Variants in MINDY4 observed in about 807,000 individuals in gnomAD.
MINDY4 encodes the protein probable ubiquitin carboxyl-terminal hydrolase MINDY-4.
A neutral mutation model predicts 87.0 loss-of-function variants in MINDY4; 68 were observed. The observed-to-expected ratio is 0.78, with a 90% confidence interval of 0.64 to 0.96. The LOEUF is 0.96. Ranked by LOEUF, MINDY4 falls within the 40% of genes least tolerant of loss-of-function variation. The probability of loss-of-function intolerance (pLI) is 0.00; values close to 1 mark genes in which losing one functional copy is unlikely to be tolerated. For synonymous variants in MINDY4, 379 were observed against 363.2 expected (o/e 1.04, Z -0.50); for missense variants, 919 against 928.2 (o/e 0.99, Z 0.13).
chr7:30,824,677 G>A (rs890785355), intron 5 of MINDY4, among the ~76,000 whole-genome samples: 8 of 152,098 alleles, frequency 5.3e-5, no homozygotes, highest in African/African-American at 1.2e-4. Context: ...GGGCTTCAGC[G>A]ATCCTCCCAT....
intron 17 of MINDY4, among the ~76,000 whole-genome samples, chr7:30,890,656 G>A (rs1284176176): frequency 6.6e-6 from 1 of 152,196 alleles, no homozygotes; most frequent in Admixed American, 6.5e-5. Flanking sequence ...GCCTTTGGAA[G>A]GGACACTTTC....
chr7:30,891,947 C>A lies in MINDY4; in HGVS notation c.2226-10C>A. Reference sequence around the variant, plus strand: ...ATCTCTCTTTGTCTCTCTCCTCACTCTACGCTTAGGTGGAAGGGGGCATCA... The same window carrying A: ...ATCTCTCTTTGTCTCTCTCCTCACTATACGCTTAGGTGGAAGGGGGCATCA... On this transcript the variant is annotated splice_polypyrimidine_tract_variant and intron_variant, in intron 17 of 17. Transcript: ENST00000265299. The A allele has an allele frequency of 2.5e-6, 4 of 1,614,066 alleles. No individual in the cohort carries two copies. The highest frequency in any genetic ancestry group is 3.4e-6 in the Non-Finnish European group (4 of 1,179,924).
chr7:30,847,846 CCTT>C lies in MINDY4; in HGVS notation c.1446-2605_1446-2603del, dbSNP rs1453105452. On this transcript the variant is annotated intron_variant, in intron 9 of 17. Transcript: ENST00000265299. ...CCTCCAACTCCTGGGCTCAAGCAATCCTTCTGCCTCAGCCTCCTGAGTATCTGG... is the reference window on the plus strand; with the variant it reads ...CCTCCAACTCCTGGGCTCAAGCAATCCTGCCTCAGCCTCCTGAGTATCTGG... Among the ~76,000 whole-genome samples the C allele has an allele frequency of 3.3e-5, 5 of 152,164 alleles. No homozygotes were observed. The South Asian group carries it at 1.0e-3, about 32-fold the overall frequency.
At chr7:30,782,765 A>G (rs1431913826) in intron 3 of MINDY4, among the ~76,000 whole-genome samples, 1 of 152,158 alleles carries the variant, frequency 6.6e-6, no homozygotes, top group African/African-American at 2.4e-5. Context: ...AGGGCTGGCA[A>G]GTCTGAAATC....
chr7:30,866,790 G>T (rs1329299690), intron 13 of MINDY4, among the ~76,000 whole-genome samples: 19 of 152,138 alleles, frequency 1.2e-4, no homozygotes, highest in Admixed American at 6.5e-5. Flanking sequence ...TGGTGGGTGG[G>T]AAGAGGTGGG....
chr7:30,798,907 G>C (rs1298541024), intron 5 of MINDY4, among the ~76,000 whole-genome samples: 1 of 152,168 alleles, frequency 6.6e-6, no homozygotes, highest in Non-Finnish European at 1.5e-5. Context: ...GCAGTGAGCT[G>C]TCCTGTTACT....
intron 4 of MINDY4, among the ~76,000 whole-genome samples, chr7:30,790,676 C>T (rs1450192868): frequency 6.6e-6 from 1 of 152,116 alleles, no homozygotes; most frequent in African/African-American, 2.4e-5. Context: ...AATTCCTGAC[C>T]TAAAGTGATA....
At chr7:30,824,496 A>G (rs915915898) in intron 5 of MINDY4, among the ~76,000 whole-genome samples, 1 of 152,192 alleles carries the variant, frequency 6.6e-6, no homozygotes, top group Non-Finnish European at 1.5e-5. Context: ...TATTTTCATG[A>G]GATGCCTTTC....
intron 1 of MINDY4, among the ~76,000 whole-genome samples, chr7:30,773,729 T>G (rs1304986888): frequency 6.6e-6 from 1 of 152,138 alleles, no homozygotes; most frequent in African/African-American, 2.4e-5. Context: ...ACTGCGCCCT[T>G]TCTGTAATCT....
In MINDY4 at chr7:30,788,235, G is replaced by T. The variant is rs372981130; in HGVS notation, c.663+2243G>T. Among the ~76,000 whole-genome samples, 41 of 152,178 alleles carry T rather than the reference G, an allele frequency of 2.7e-4. No homozygotes were observed. In the East Asian group the frequency reaches 3.5e-3, roughly 13 times the overall value. On this transcript the variant is annotated intron_variant, in intron 4 of 17. Transcript: ENST00000265299. ...TTTAATAGTCTTTTCAGAAAACTGA[G>T]ATATTTTTCTTTGATACTACACCAA...
chr7:30,784,366 C>A (rs1323983134), intron 3 of MINDY4, among the ~76,000 whole-genome samples: 9 of 152,190 alleles, frequency 5.9e-5, no homozygotes, highest in Non-Finnish European at 1.3e-4. Context: ...TAGGCACTTT[C>A]CTTCTTTCCT....
rs374824384 is a variant in MINDY4 at position 30,882,948 on chromosome 7, C to T, written c.2180C>T (p.Thr727Ile). ...ACCACCCAAACCATCTCTGAGGACA[C>T]AGACAACGACCTTGTCCCACCCCTC... ...IDTTQTISED[T>I]DNDLVPPLEL... Residue 727 changes from threonine (T) to isoleucine (I), a missense_variant, in exon 17 of 18, where the codon ACA (threonine) becomes ATA (isoleucine). Physicochemically the swap from Thr to Ile is moderately conservative, Grantham distance 89 (BLOSUM62 -1). Transcript: ENST00000265299. 9.9e-6 allele frequency: 16 copies of T among 1,613,976 alleles called. No homozygotes were observed. Among genetic ancestry groups the T allele is most frequent in the Non-Finnish European group, 1.4e-5 (16 of 1,179,992 alleles).
At chr7:30,776,991 CTTCT>C (rs962786616) in intron 1 of MINDY4, among the ~76,000 whole-genome samples, 6 of 66,948 alleles carry the variant, frequency 9.0e-5, no homozygotes, top group East Asian at 3.0e-4. Context: ...CTTTCCTTTT[CTTCT>C]TTCTTTCTTT....
intron 15 of MINDY4, among the ~76,000 whole-genome samples, chr7:30,881,943 G>A (rs886213048): frequency 2.6e-5 from 4 of 152,112 alleles, no homozygotes; most frequent in African/African-American, 9.7e-5. Flanking sequence ...AGTGATACCG[G>A]GTCTCAGGTC....
intron 5 of MINDY4, among the ~76,000 whole-genome samples, chr7:30,818,885 C>T (rs1379332707): frequency 6.6e-6 from 1 of 152,118 alleles, no homozygotes; most frequent in Non-Finnish European, 1.5e-5. Flanking sequence ...CTAGTTTCTT[C>T]TTACTGAAAA....
intron 15 of MINDY4, among the ~76,000 whole-genome samples, chr7:30,877,696 T>A (rs1042899756): frequency 1.2e-4 from 18 of 149,984 alleles, no homozygotes; most frequent in Non-Finnish European, 2.4e-4. Context: ...TTTTTTTTTT[T>A]TTTGAGACAA....
intron 15 of MINDY4, among the ~76,000 whole-genome samples, chr7:30,876,742 G>C (rs949531381): frequency 6.6e-5 from 10 of 152,172 alleles, no homozygotes; most frequent in African/African-American, 2.4e-4. Context: ...CTGAGGGGCA[G>C]CAGGAGTGCT....
chr7:30,791,467 G>A lies in MINDY4; in HGVS notation c.966G>A (p.Thr322=), dbSNP rs756302522. 5 of 1,613,970 alleles carry A rather than the reference G, an allele frequency of 3.1e-6. No homozygotes were observed. The highest frequency in any genetic ancestry group is 3.3e-5 in the Admixed American group (2 of 60,006). The change falls in exon 5 of 18, where the codon ACG becomes ACA. Residue 322 remains threonine (T), a synonymous_variant. Transcript: ENST00000265299. Reference sequence around the variant, plus strand: ...CAGCAGTGGACGGCAGCACAGACACGGACAGGATGCCCTTGAAGCTCTACT... The same window carrying A: ...CAGCAGTGGACGGCAGCACAGACACAGACAGGATGCCCTTGAAGCTCTACT... The part of the protein sequence containing the change: ...DTPAVDGSTD[T]DRMPLKLYLP...
intron 13 of MINDY4, among the ~76,000 whole-genome samples, chr7:30,862,114 G>A (rs1046247890): frequency 1.3e-5 from 2 of 152,268 alleles, no homozygotes; most frequent in Admixed American, 1.3e-4. Flanking sequence ...GGCAGCCTGT[G>A]CTGCCTGGGG....
Sources: gnomAD v4.1 joint callset for allele counts (sites outside exome capture counted in the v4.1 genomes callset) on GRCh38, gnomAD v4.1.1 for gene constraint, MANE v1.5 for transcripts, NCBI Gene and HGNC (gene_info 2026-07-23, HGNC 2026-07-21) for gene names.